CUL1: variants seen among roughly 807,000 people sequenced by gnomAD.
The protein encoded by CUL1 is cullin-1.
A neutral mutation model predicts 118.0 loss-of-function variants in CUL1; 24 were observed. The observed-to-expected ratio is 0.20, with a 90% CI of 0.15 to 0.29. The LOEUF (loss-of-function observed/expected upper bound fraction) is 0.29. Among genes scored for constraint, CUL1 ranks in the 10% least tolerant of loss-of-function variants. CUL1 has a pLI of 1.00. For synonymous variants in CUL1, 332 were observed against 340.4 expected (o/e 0.98, Z 0.27); for missense variants, 361 against 933.8 (o/e 0.39, Z 7.99).
chr7:148,789,802 T>C lies in CUL1; in HGVS notation c.1650T>C (p.Ser550=). 6.2e-7 allele frequency: 1 copy of C among 1,614,200 alleles called. No individual in the cohort carries two copies. The highest frequency in any genetic ancestry group is 8.5e-7 in the Non-Finnish European group (1 of 1,180,014). Reference sequence around the variant, plus strand: ...CCGGGTCCTGGCCCTTCCAGCAGTCTTGTACATTTGCCTTGCCGTCAGAGG... The same window carrying C: ...CCGGGTCCTGGCCCTTCCAGCAGTCCTGTACATTTGCCTTGCCGTCAGAGG... ...LSSGSWPFQQ[S]CTFALPSELE... Residue 550 remains serine, a synonymous_variant, in exon 15 of 22, where the codon TCT becomes TCC. Transcript: ENST00000325222.
At chr7:148,799,504 G>A (rs1013645755) in intron 21 of CUL1, 116 bp downstream of exon 21, 1 of 667,324 alleles carries the variant, frequency 1.5e-6, no homozygotes, top group African/African-American at 1.8e-5. Flanking sequence ...TTCTTTGTAT[G>A]TAGATTTCTA....
chr7:148,772,295 A>T (rs1756294165), intron 9 of CUL1, among the ~76,000 whole-genome samples: 1 of 152,070 alleles, frequency 6.6e-6, no homozygotes, highest in South Asian at 2.1e-4. Context: ...GGCACCTGTA[A>T]TCCCAGCTAC....
At chr7:148,798,723 G>C (rs1801290194) in intron 20 of CUL1, 46 bp downstream of exon 20, 4 of 1,508,610 alleles carry the variant, frequency 2.7e-6, no homozygotes, top group African/African-American at 1.4e-5. Flanking sequence ...CCCTCACGCA[G>C]GGATGGCTCG....
chr7:148,791,312 A>G (rs1801000265), intron 16 of CUL1, among the ~76,000 whole-genome samples: 1 of 152,232 alleles, frequency 6.6e-6, no homozygotes. Context: ...TTAAGTATTA[A>G]GAAACTCCAG....
chr7:148,777,935 C>T (rs1484671101), intron 9 of CUL1, among the ~76,000 whole-genome samples: 1 of 151,094 alleles, frequency 6.6e-6, no homozygotes, highest in East Asian at 1.9e-4. Flanking sequence ...TCATGGCATG[C>T]ACCTGTAATC....
At chr7:148,783,636 A>T (rs763137178) in intron 9 of CUL1, 147 bp from the exon 10 acceptor site, 4 of 1,541,644 alleles carry the variant, frequency 2.6e-6, no homozygotes, top group Middle Eastern at 1.7e-4. Flanking sequence ...ATGGTACCAA[A>T]AGTATTTCTT....
intron 1 of CUL1, among the ~76,000 whole-genome samples, chr7:148,703,400 C>A (rs1255967602): frequency 6.6e-6 from 1 of 152,104 alleles, no homozygotes; most frequent in Non-Finnish European, 1.5e-5. Context: ...CAAGACTGTT[C>A]AAATATAACA....
At chr7:148,706,035 C>G (rs944156642) in intron 1 of CUL1, among the ~76,000 whole-genome samples, 1 of 152,164 alleles carries the variant, frequency 6.6e-6, no homozygotes, top group African/African-American at 2.4e-5. Context: ...TTCACCCCGA[C>G]CTCATGTGAT....
In CUL1 at chr7:148,783,826, A is replaced by T; in HGVS notation, c.1127A>T (p.Lys376Ile). The change falls in exon 10 of 22, where the codon AAA becomes ATA. Residue 376 changes from lysine to isoleucine, a missense_variant. Around this residue, in one of 7 missense-constraint regions of CUL1, gnomAD observed 169 missense variants for 429.7 expected, o/e 0.39. Transcript: ENST00000325222. Reference sequence around the variant, plus strand: ...CAGACAGTGCTTGATGTTCATAAAAAATACAATGCCCTGGTAATGTCTGCA... The same window carrying T: ...CAGACAGTGCTTGATGTTCATAAAATATACAATGCCCTGGTAATGTCTGCA... ...YVQTVLDVHK[K>I]YNALVMSAFN... 6.2e-7 allele frequency: 1 copy of T among 1,614,236 alleles called. No homozygotes were observed. The highest frequency in any genetic ancestry group is 2.2e-5 in the East Asian group (1 of 44,882).
Position 148,786,715 on chromosome 7 carries a change from T to C in CUL1, c.1347+116T>C, listed in dbSNP as rs1406753918. Reference sequence around the variant, plus strand: ...AAAGTAATAATCATTGATTTTATTTTGAATCTCTGGTTTTACTTCCTAAAT... The same window carrying C: ...AAAGTAATAATCATTGATTTTATTTCGAATCTCTGGTTTTACTTCCTAAAT... On this transcript the variant is annotated intron_variant, in intron 12 of 21. Coordinates refer to ENST00000325222, the MANE Select transcript of CUL1 (RefSeq NM_003592.3). 3.2e-6 allele frequency: 3 copies of C among 950,976 alleles called. No individual in the cohort carries two copies. The African/African-American group carries it at 5.0e-5, about 16-fold the overall frequency. The allele number at this position is 950,976 out of a possible 1,614,324, so 58.9% of individuals were successfully genotyped here.
rs371468318 is a variant in CUL1, at chr7:148,713,381, T to G, written c.-162+14352T>G. 2.4e-4 allele frequency among the ~76,000 whole-genome samples: 36 copies of G among 152,352 alleles called. No homozygotes were observed. The South Asian group carries it at 7.4e-3, about 32-fold the overall frequency. On this transcript the variant is annotated intron_variant, in intron 1 of 21. Coordinates refer to ENST00000325222, the MANE Select transcript of CUL1 (RefSeq NM_003592.3). Reference sequence around the variant, plus strand: ...TGTGATTTTCTGTAAGTTTTCAGGTTTTCCGGAGCAATTTATACCAGTGAC... The same window carrying G: ...TGTGATTTTCTGTAAGTTTTCAGGTGTTCCGGAGCAATTTATACCAGTGAC...
At chr7:148,734,418 AT>A (rs1033352711) in intron 2 of CUL1, among the ~76,000 whole-genome samples, 2 of 152,038 alleles carry the variant, frequency 1.3e-5, no homozygotes, top group Admixed American at 6.5e-5. Context: ...TAATTTTTGT[AT>A]TTTTTGTAGA....
At chr7:148,735,196 A>C (rs560870458) in intron 2 of CUL1, among the ~76,000 whole-genome samples, 1 of 152,348 alleles carries the variant, frequency 6.6e-6, no homozygotes, top group Admixed American at 6.5e-5. Context: ...TTAATTGTCT[A>C]TTTTGACGTT....
rs137901827 is a variant in CUL1, at chr7:148,799,130, C to T, written c.2137-145C>T. ...AGGTAGAATTGGTTCCCTCTCCCGT[C>T]TCACCTGCAGGATGTTTGTTGCCTG... On this transcript the variant is annotated intron_variant, in intron 20 of 21. Transcript: ENST00000325222. 2,839 of 609,698 alleles carry T rather than the reference C, an allele frequency of 4.7e-3. 6 individuals are homozygous for T. The highest frequency in any genetic ancestry group is 5.8e-3 in the Non-Finnish European group (1,996 of 342,808). 37.8% of individuals were successfully genotyped at this position (609,698 alleles called of 1,614,324 possible).
chr7:148,754,264 C>T lies in CUL1; in HGVS notation c.315+114C>T, dbSNP rs146146826. ...CATCTGTTACTGTTTTAGACACTAACGTAGGTGACAGTGTTTTGCTATTGC... is the reference window on the plus strand; with the variant it reads ...CATCTGTTACTGTTTTAGACACTAATGTAGGTGACAGTGTTTTGCTATTGC... On this transcript the variant is annotated intron_variant, in intron 3 of 21. Transcript: ENST00000325222. 1,236 of 670,892 alleles carry T rather than the reference C, an allele frequency of 1.8e-3. 12 individuals carry two copies. The African/African-American group carries it at 0.019, about 10-fold the overall frequency. The allele number at this position is 670,892 out of a possible 1,614,324, so 41.6% of individuals were successfully genotyped here.
At chr7:148,798,529 C>T (rs1801283709) in intron 19 of CUL1, 43 bp from the exon 20 acceptor site, 12 of 1,469,266 alleles carry the variant, frequency 8.2e-6, no homozygotes, top group Non-Finnish European at 1.1e-5. Flanking sequence ...CACTGCCTAC[C>T]TTTTAATATA....
intron 9 of CUL1, among the ~76,000 whole-genome samples, chr7:148,770,072 C>T (rs1476629379): frequency 3.3e-5 from 5 of 152,146 alleles, no homozygotes; most frequent in Non-Finnish European, 5.9e-5. Flanking sequence ...TAAATGCTGC[C>T]GATTGACTTT....
At chr7:148,721,886 A>C (rs1023045834) in intron 1 of CUL1, among the ~76,000 whole-genome samples, 1 of 152,160 alleles carries the variant, frequency 6.6e-6, no homozygotes, top group Non-Finnish European at 1.5e-5. Context: ...GTGTTTTGCT[A>C]TTATAAACAG....
intron 2 of CUL1, among the ~76,000 whole-genome samples, chr7:148,730,806 A>G (rs1798737327): frequency 6.6e-6 from 1 of 152,094 alleles, no homozygotes; most frequent in Non-Finnish European, 1.5e-5. Flanking sequence ...TTTTCCTGTT[A>G]TGGCCCTATT....
Sources: allele counts gnomAD v4.1 joint callset (sites outside exome capture counted in the v4.1 genomes callset), GRCh38; gene constraint gnomAD v4.1.1; regional missense constraint gnomAD v4.1.1; transcripts MANE v1.5; gene names NCBI Gene and HGNC (gene_info 2026-07-23, HGNC 2026-07-21).